Variants in ANKFN1 observed in about 807,000 individuals in gnomAD.
The protein encoded by ANKFN1 is ankyrin repeat and fibronectin type III domain containing 1.
In ANKFN1, 74 loss-of-function variants were observed where a neutral mutation model predicts 108.7. That is an observed-to-expected ratio of 0.68 (90% CI 0.56 to 0.83). The LOEUF (loss-of-function observed/expected upper bound fraction) is 0.83. Ranked by LOEUF, ANKFN1 falls within the 40% of genes least tolerant of loss-of-function variation. The probability of loss-of-function intolerance (pLI) is 0.00; values close to 1 mark genes in which losing one functional copy is unlikely to be tolerated. For synonymous variants in ANKFN1, 547 were observed against 516.2 expected (o/e 1.06, Z -0.81); for missense variants, 1,505 against 1,382.3 (o/e 1.09, Z -1.41).
intron 1 of ANKFN1, among the ~76,000 whole-genome samples, chr17:56,205,001 G>A (rs544205736): frequency 2.6e-5 from 4 of 152,260 alleles, no homozygotes; most frequent in South Asian, 2.1e-4. Context: ...GTGTGAACCC[G>A]GGAGGCGGAG....
intron 17 of ANKFN1, 119 bp from the exon 18 acceptor site, chr17:56,482,237 A>G: frequency 1.1e-6 from 1 of 923,748 alleles, no homozygotes; most frequent in South Asian, 2.3e-5. Context: ...TATGTTGTAT[A>G]AAAATTCCAA....
chr17:56,173,857 G>A (rs1290112309), intron 1 of ANKFN1, among the ~76,000 whole-genome samples: 2 of 152,210 alleles, frequency 1.3e-5, no homozygotes, highest in African/African-American at 4.8e-5. Flanking sequence ...TTTGGTGAAT[G>A]AATGAGTAAG....
intron 4 of ANKFN1, among the ~76,000 whole-genome samples, chr17:56,046,515 TA>T (rs143732713): frequency 1.3e-4 from 20 of 149,878 alleles, no homozygotes; most frequent in South Asian, 1.3e-3. Flanking sequence ...CTGCAGATTA[TA>T]AAAAAAAAAT....
intron 15 of ANKFN1, chr17:56,473,647 C>CAAAAA (rs956559502): frequency 4.2e-5 from 2 of 47,814 alleles, no homozygotes; most frequent in Non-Finnish European, 9.3e-5. Flanking sequence ...GACTCCGTCT[C>CAAAAA]AAAAAAAAAA....
At chr17:56,247,117 TAAC>T (rs1248939360) in intron 3 of ANKFN1, among the ~76,000 whole-genome samples, 1 of 152,148 alleles carries the variant, frequency 6.6e-6, no homozygotes, top group Non-Finnish European at 1.5e-5. Flanking sequence ...TTTTATAAAA[TAAC>T]AACAAAAATA....
intron 8 of ANKFN1, among the ~76,000 whole-genome samples, chr17:56,408,024 T>A (rs1272053866): frequency 2.2e-5 from 3 of 133,398 alleles, no homozygotes; most frequent in Non-Finnish European, 4.6e-5. Flanking sequence ...AACCTCCGCC[T>A]CCCGGGTTCA....
At chr17:56,081,159 A>G (rs1905240742) in intron 4 of ANKFN1, among the ~76,000 whole-genome samples, 1 of 152,170 alleles carries the variant, frequency 6.6e-6, no homozygotes. Context: ...AAAGAATCCA[A>G]CTGAGAGGCA....
At chr17:56,458,009 C>A (rs946207773) in intron 14 of ANKFN1, 30 bp downstream of exon 14, 5 of 1,564,544 alleles carry the variant, frequency 3.2e-6, no homozygotes, top group Non-Finnish European at 4.4e-6. Context: ...CCCAGGCCCC[C>A]AAGGAAAATA....
chr17:56,071,119 G>A (rs1258554772), intron 4 of ANKFN1, among the ~76,000 whole-genome samples: 1 of 152,030 alleles, frequency 6.6e-6, no homozygotes, highest in Non-Finnish European at 1.5e-5. Flanking sequence ...GCTTCTCTCT[G>A]ACTGATTCTA....
At chr17:56,444,486 G>A (rs142494204) in intron 10 of ANKFN1, among the ~76,000 whole-genome samples, 9 of 152,152 alleles carry the variant, frequency 5.9e-5, no homozygotes, top group African/African-American at 2.2e-4. Context: ...TTTGTAAAGG[G>A]CTTTCACATT....
chr17:56,344,666 G>GA (rs546646694), intron 4 of ANKFN1, among the ~76,000 whole-genome samples: 37 of 148,260 alleles, frequency 2.5e-4, no homozygotes, highest in Non-Finnish European at 3.7e-4. Context: ...TTTTTGGAAA[G>GA]AAAAAAAAAC....
At chr17:56,244,186 A>G (rs1917791915) in intron 3 of ANKFN1, among the ~76,000 whole-genome samples, 1 of 152,170 alleles carries the variant, frequency 6.6e-6, no homozygotes, top group Admixed American at 6.6e-5. Context: ...ACTTCAATAC[A>G]TTAATTTCAA....
chr17:56,309,610 C>A (rs994028170), intron 3 of ANKFN1, among the ~76,000 whole-genome samples: 2 of 151,978 alleles, frequency 1.3e-5, no homozygotes, highest in African/African-American at 4.8e-5. Flanking sequence ...TCTTGTGGTA[C>A]AATGGTGCCC....
At position 56,492,357 on chromosome 17, in the gene ANKFN1, A is replaced by G; in HGVS notation, c.2427+4A>G. On this transcript the variant is annotated splice_donor_region_variant and intron_variant, in intron 19 of 20. Transcript: ENST00000682825. ...GCAAGTTTTAGATTTCATTCAGGTA[A>G]TTGTTTGTTCCTTCTGGGGTAAAAG... The G allele has an allele frequency of 1.4e-6, 1 of 701,604 alleles. No individual in the cohort carries two copies. The highest frequency in any genetic ancestry group is 2.6e-6 in the Non-Finnish European group (1 of 383,938). 43.5% of individuals were successfully genotyped at this position (701,604 alleles called of 1,614,324 possible). A position where few individuals can be genotyped will look rare whatever the true frequency, so the allele number is the denominator to read the frequency against.
At chr17:56,170,807 T>TATATATATACACACACACACACACACAC (rs1361307404) in intron 1 of ANKFN1, among the ~76,000 whole-genome samples, 1 of 61,448 alleles carries the variant, frequency 1.6e-5, no homozygotes, top group Non-Finnish European at 2.8e-5. Context: ...TATATATATA[T>TATATATATACACACACACACACACACAC]ACACACACAC....
rs749853257 is a variant in ANKFN1, at chr17:56,353,828, C to T, written c.391-8C>T. On this transcript the variant is annotated splice_region_variant and splice_polypyrimidine_tract_variant and intron_variant, in intron 5 of 20. Coordinates refer to ENST00000682825, the MANE Select transcript of ANKFN1 (RefSeq NM_001370326.1). ...AAATTGTGCTGATCTACTTTTGCTC[C>T]TCTCTAGAATTTCCAGGGCAATGAA... is the stretch of plus-strand genomic sequence containing the variant. 1.2e-6 allele frequency: 2 copies of T among 1,613,726 alleles called. No individual in the cohort carries two copies. Among genetic ancestry groups the T allele is most frequent in the East Asian group, 4.5e-5 (2 of 44,820 alleles).
intron 4 of ANKFN1, among the ~76,000 whole-genome samples, chr17:56,088,748 T>A (rs757543489): frequency 1.3e-5 from 2 of 151,160 alleles, no homozygotes; most frequent in Non-Finnish European, 3.0e-5. Context: ...CACCTTAAGA[T>A]GGGATTTTCT....
At chr17:56,280,675 G>T (rs1420234052) in intron 3 of ANKFN1, among the ~76,000 whole-genome samples, 1 of 152,004 alleles carries the variant, frequency 6.6e-6, no homozygotes, top group African/African-American at 2.4e-5. Flanking sequence ...TTTCTGTGGA[G>T]AACCCTGGCT....
At chr17:56,208,570 T>G (rs902150334) in intron 1 of ANKFN1, among the ~76,000 whole-genome samples, 4 of 152,200 alleles carry the variant, frequency 2.6e-5, no homozygotes, top group Admixed American at 2.6e-4. Flanking sequence ...CATTAGAAGA[T>G]TACCTGCATG....
Sources: allele counts gnomAD v4.1 joint callset (sites outside exome capture counted in the v4.1 genomes callset), GRCh38; gene constraint gnomAD v4.1.1; transcripts MANE v1.5; gene names NCBI Gene and HGNC (gene_info 2026-07-23, HGNC 2026-07-21).